The following ABL1 variants were observed in gnomAD, a reference collection of about 807,000 sequenced individuals.
ABL1 encodes the protein ABL proto-oncogene 1, non-receptor tyrosine kinase, also known as tyrosine-protein kinase ABL1.
ABL1 carries 11 observed loss-of-function variants against 94.7 expected under a neutral mutation model. The observed-to-expected ratio is 0.12, with a 90% CI of 0.07 to 0.19. The LOEUF is 0.19. Among genes scored for constraint, ABL1 ranks in the 10% least tolerant of loss-of-function variants. The probability of loss-of-function intolerance (pLI) is 1.00; values close to 1 mark genes in which losing one functional copy is unlikely to be tolerated. For synonymous variants in ABL1, 656 were observed against 622.4 expected, an observed-to-expected ratio of 1.05 and a Z score of -0.80; for missense variants, 1,082 against 1,489.4, an observed-to-expected ratio of 0.73 and a Z score of 4.50.
Position 130,817,127 on chromosome 9 carries a change from T to C in ABL1, c.137-36937T>C, listed in dbSNP as rs1003506759. Among the ~76,000 whole-genome samples the C allele has an allele frequency of 2.6e-5, 4 of 152,246 alleles. No homozygotes were observed. In the South Asian group the frequency reaches 8.3e-4, roughly 31 times the overall value. On this transcript the variant is annotated intron_variant, in intron 1 of 10. Transcript: ENST00000372348. Reference sequence around the variant, plus strand: ...AGTAGAATTATAAAGTATCTAAGCTTTTAAGTCCTAATGCATTTAAGATCT... The same window carrying C: ...AGTAGAATTATAAAGTATCTAAGCTCTTAAGTCCTAATGCATTTAAGATCT...
chr9:130,722,308 G>T (rs1347424440), intron 1 of ABL1, among the ~76,000 whole-genome samples: 1 of 152,012 alleles, frequency 6.6e-6, no homozygotes, highest in East Asian at 1.9e-4. Flanking sequence ...CAGGAGAATC[G>T]CTTGAACCTG....
At chr9:130,825,926 A>G (rs1830419224) in intron 1 of ABL1, among the ~76,000 whole-genome samples, 1 of 152,194 alleles carries the variant, frequency 6.6e-6, no homozygotes, top group African/African-American at 2.4e-5. Flanking sequence ...GTTTGCAACA[A>G]ATTTTAGTTT....
At chr9:130,797,788 A>G (rs1352820696) in intron 1 of ABL1, among the ~76,000 whole-genome samples, 2 of 152,196 alleles carry the variant, frequency 1.3e-5, no homozygotes, top group Non-Finnish European at 2.9e-5. Context: ...AACACGTTCC[A>G]TATAGGAATA....
At chr9:130,759,963 ATTTTTTTTTTTTTTTTT>A (rs34154339) in intron 1 of ABL1, among the ~76,000 whole-genome samples, 1 of 93,028 alleles carries the variant, frequency 1.1e-5, no homozygotes, top group African/African-American at 4.7e-5. Context: ...AGGTAATTTA[ATTTTTTTTTTTTTTTTT>A]TTTTTTTTTG....
chr9:130,869,123 C>T (rs11244167), intron 4 of ABL1, among the ~76,000 whole-genome samples: 2,701 of 151,750 alleles, frequency 0.018, 100 homozygotes, highest in African/African-American at 0.062. Context: ...GCCGAGATCG[C>T]GCCACTGCAC....
intron 1 of ABL1, among the ~76,000 whole-genome samples, chr9:130,747,094 C>A (rs972148395): frequency 1.3e-5 from 2 of 151,662 alleles, no homozygotes; most frequent in African/African-American, 4.9e-5. Context: ...CTGGGCACCC[C>A]TGAGGGAGCA....
intron 1 of ABL1, among the ~76,000 whole-genome samples, chr9:130,783,074 A>G (rs559492377): frequency 7.2e-5 from 11 of 152,220 alleles, no homozygotes; most frequent in Non-Finnish European, 1.3e-4. Context: ...ACACTGATCC[A>G]GGAACATTAT....
rs774051470 is a variant in ABL1, at chr9:130,880,487, G to A, written c.1514-13G>A. ...CTGCTGGATTTTTGTTTCTGTCCCT[G>A]TATGATTCTTAGAAGTGGAAAAGGA... On this transcript the variant is annotated splice_polypyrimidine_tract_variant and intron_variant, in intron 9 of 10. Coordinates refer to ENST00000318560, the MANE Select transcript of ABL1 (RefSeq NM_005157.6). This position sits in a 1 kb window ranked among gnomAD's most constrained non-coding sequence, Gnocchi z 4.4. The A allele has an allele frequency of 6.2e-7, 1 of 1,613,724 alleles. No homozygotes were observed. Among genetic ancestry groups the A allele is most frequent in the East Asian group, 2.2e-5 (1 of 44,874 alleles).
chr9:130,878,102 C>T (rs781773488), intron 7 of ABL1, among the ~76,000 whole-genome samples: 7 of 152,132 alleles, frequency 4.6e-5, no homozygotes, highest in African/African-American at 7.2e-5. Flanking sequence ...TGTGAGCCAC[C>T]GTGCCCGGCC....
At chr9:130,807,159 A>T (rs1830136353) in intron 1 of ABL1, among the ~76,000 whole-genome samples, 1 of 151,942 alleles carries the variant, frequency 6.6e-6, no homozygotes, top group Admixed American at 6.6e-5. Flanking sequence ...TAAAAAAAAA[A>T]GTTTGCTTTT....
In ABL1 at chr9:130,736,772, T is replaced by C. The variant is rs950040468; in HGVS notation, c.136+22317T>C. Among the ~76,000 whole-genome samples the C allele has an allele frequency of 3.9e-5, 6 of 152,344 alleles. 1 individual carries two copies. The South Asian group carries it at 1.2e-3, about 32-fold the overall frequency. On this transcript the variant is annotated intron_variant, in intron 1 of 10. Coordinates refer to the ABL1 transcript ENST00000372348. ...TCCCAAAGTGCTGGGATTACAGGCG[T>C]GAGCCACTGTGCCCGGCCGGTTGAA...
chr9:130,878,565 C>G lies in ABL1; in HGVS notation c.1421C>G (p.Ala474Gly), dbSNP rs1831391427. Residue 474 changes from alanine to glycine, a missense_variant and splice_region_variant, in exon 8 of 11, where the codon GCA becomes GGA. Physicochemically the swap from Ala to Gly is moderately conservative, Grantham distance 60. This residue lies in a region of ABL1 where 76 missense variants were observed against 177.1 expected (regional missense o/e 0.43). Coordinates refer to ENST00000318560, the MANE Select transcript of ABL1 (RefSeq NM_005157.6). ...CPEKVYELMRACWQWNPSDRP... is the reference protein window; with the variant it reads ...CPEKVYELMRGCWQWNPSDRP... Reference sequence around the variant, plus strand: ...GAGAAGGTCTATGAACTCATGCGAGCATGTAAGCCTTCCTCAGCCTGTTCT... The same window carrying G: ...GAGAAGGTCTATGAACTCATGCGAGGATGTAAGCCTTCCTCAGCCTGTTCT... 1 of 1,614,048 alleles carries G rather than the reference C, an allele frequency of 6.2e-7. No individual in the cohort carries two copies. Among genetic ancestry groups the G allele is most frequent in the South Asian group, 1.1e-5 (1 of 91,070 alleles).
intron 7 of ABL1, among the ~76,000 whole-genome samples, chr9:130,876,115 C>T (rs1358627088): frequency 6.6e-6 from 1 of 152,184 alleles, no homozygotes; most frequent in Non-Finnish European, 1.5e-5. Flanking sequence ...CGTGAGCCAC[C>T]ACGCCTGGCC....
At position 130,766,976 on chromosome 9, in the gene ABL1, T is replaced by A. The variant is rs145635453; in HGVS notation, c.136+52521T>A. Among the ~76,000 whole-genome samples, 234 of 152,322 alleles carry A rather than the reference T, an allele frequency of 1.5e-3. 1 individual carries two copies. Among genetic ancestry groups the A allele is most frequent in the African/African-American group, 5.5e-3 (229 of 41,570 alleles). On this transcript the variant is annotated intron_variant, in intron 1 of 10. Coordinates refer to the ABL1 transcript ENST00000372348. ...CACAGCCTGCGTGGTCTGGGCCTGGTTTCCCTCTCGAATTTCCCTCCTGTC... is the reference window on the plus strand; with the variant it reads ...CACAGCCTGCGTGGTCTGGGCCTGGATTCCCTCTCGAATTTCCCTCCTGTC...
chr9:130,793,271 G>T (rs1039097895), intron 1 of ABL1, among the ~76,000 whole-genome samples: 1 of 152,098 alleles, frequency 6.6e-6, no homozygotes. Context: ...CATGGAATTT[G>T]CTTATTTTTA....
chr9:130,810,555 C>T (rs1453448459), intron 1 of ABL1, among the ~76,000 whole-genome samples: 2 of 151,444 alleles, frequency 1.3e-5, no homozygotes, highest in African/African-American at 4.9e-5. Context: ...ATAAACATTG[C>T]ACAAGTAAAG....
chr9:130,824,507 G>T (rs1830401308), intron 1 of ABL1, among the ~76,000 whole-genome samples: 2 of 152,056 alleles, frequency 1.3e-5, no homozygotes, highest in Admixed American at 1.3e-4. Context: ...TTAAGATCTG[G>T]GCATCCTGGG....
In ABL1 at chr9:130,823,479, C is replaced by T. The variant is rs1830389517; in HGVS notation, c.137-30585C>T. Among the ~76,000 whole-genome samples, 12 of 152,328 alleles carry T rather than the reference C, an allele frequency of 7.9e-5. No homozygotes were observed. The South Asian group carries it at 2.3e-3, about 29-fold the overall frequency. ...AGCAATTCAAACAAGCGAGATGCTTCTCTCTGTAACAGGCTGACAGTCGCG... is the reference window on the plus strand; with the variant it reads ...AGCAATTCAAACAAGCGAGATGCTTTTCTCTGTAACAGGCTGACAGTCGCG... On this transcript the variant is annotated intron_variant, in intron 1 of 10. Coordinates refer to the ABL1 transcript ENST00000372348.
At chr9:130,813,090 C>G (rs10901288) in intron 1 of ABL1, among the ~76,000 whole-genome samples, 24,060 of 152,058 alleles carry the variant, frequency 0.16, 2,033 homozygotes, top group African/African-American at 0.21. Flanking sequence ...TGGTGGATAC[C>G]TGTAATCCCA....
Sources: allele counts gnomAD v4.1 joint callset (sites outside exome capture counted in the v4.1 genomes callset), GRCh38; gene constraint gnomAD v4.1.1; regional missense constraint gnomAD v4.1.1; non-coding constraint Gnocchi (gnomAD v3.1); transcripts MANE v1.5; gene names NCBI Gene and HGNC (gene_info 2026-07-23, HGNC 2026-07-21).